TAF3: variants seen among roughly 807,000 people sequenced by gnomAD.
TAF3 encodes the protein transcription initiation factor TFIID subunit 3.
TAF3 carries 7 observed loss-of-function variants against 80.6 expected under a neutral mutation model. The observed-to-expected ratio is 0.09, with a 90% CI of 0.05 to 0.16. The LOEUF (loss-of-function observed/expected upper bound fraction) is 0.16, where lower values mean the gene tolerates loss of function less well. Among genes scored for constraint, TAF3 ranks in the 10% least tolerant of loss-of-function variants. The pLI, the probability that TAF3 is intolerant of heterozygous loss-of-function variation, is 1.00. For synonymous variants in TAF3, 444 were observed against 446.1 expected (o/e 1.00, Z 0.06); for missense variants, 921 against 1,140.2 (o/e 0.81, Z 2.77).
intron 2 of TAF3, among the ~76,000 whole-genome samples, chr10:7,852,940 G>A (rs1837043155): frequency 6.6e-6 from 1 of 152,154 alleles, no homozygotes; most frequent in Admixed American, 6.5e-5. Context: ...CCAACTAGTT[G>A]TGCATATGTT....
intron 2 of TAF3, among the ~76,000 whole-genome samples, chr10:7,901,225 A>T (rs1385772364): frequency 6.6e-6 from 1 of 152,208 alleles, no homozygotes; most frequent in Non-Finnish European, 1.5e-5. Context: ...GGATGAAGAA[A>T]ATACTTTAAA....
At chr10:7,912,110 A>G (rs1837662218) in intron 2 of TAF3, among the ~76,000 whole-genome samples, 1 of 152,238 alleles carries the variant, frequency 6.6e-6, no homozygotes, top group African/African-American at 2.4e-5. Flanking sequence ...TATTATCCTC[A>G]TTATTTCATC....
chr10:7,959,830 A>G (rs376594121), intron 2 of TAF3, among the ~76,000 whole-genome samples: 1 of 152,184 alleles, frequency 6.6e-6, no homozygotes, highest in African/African-American at 2.4e-5. Flanking sequence ...GAAAAATCCA[A>G]ATTTTCAAGT....
intron 2 of TAF3, among the ~76,000 whole-genome samples, chr10:7,946,882 G>C (rs933158623): frequency 1.2e-4 from 19 of 152,174 alleles, no homozygotes; most frequent in Admixed American, 4.6e-4. Context: ...GGACACAATG[G>C]AATACTTACC....
intron 2 of TAF3, among the ~76,000 whole-genome samples, chr10:7,845,959 G>GTTTTTT (rs34163537): frequency 1.6e-4 from 21 of 130,928 alleles, no homozygotes; most frequent in East Asian, 2.2e-4. Flanking sequence ...GTGTGTTTTT[G>GTTTTTT]TTTTTTTTTT....
chr10:8,002,326 C>T (rs1831952564), intron 4 of TAF3, among the ~76,000 whole-genome samples: 1 of 152,106 alleles, frequency 6.6e-6, no homozygotes, highest in South Asian at 2.1e-4. Flanking sequence ...TCCCGTCGCA[C>T]ATCGTAAAGC....
intron 2 of TAF3, among the ~76,000 whole-genome samples, chr10:7,939,031 C>T (rs550102606): frequency 1.2e-4 from 18 of 152,174 alleles, no homozygotes; most frequent in African/African-American, 4.1e-4. Flanking sequence ...CTAAAACATA[C>T]CAGCCTGCAG....
chr10:7,865,646 C>T (rs559585513), intron 2 of TAF3, among the ~76,000 whole-genome samples: 7 of 152,286 alleles, frequency 4.6e-5, no homozygotes, highest in South Asian at 2.1e-4. Flanking sequence ...GATGCAGCCA[C>T]GTGCAAAGTA....
chr10:7,992,647 T>A (rs767180432), intron 4 of TAF3, among the ~76,000 whole-genome samples: 1 of 152,142 alleles, frequency 6.6e-6, no homozygotes, highest in Non-Finnish European at 1.5e-5. Context: ...GAATGCACAT[T>A]TTCCCCTAAG....
chr10:7,959,158 AC>A lies in TAF3; in HGVS notation c.410-4761del, dbSNP rs1564371379. Among the ~76,000 whole-genome samples, 693 of 141,004 alleles carry A rather than the reference AC, an allele frequency of 4.9e-3. 28 individuals carry two copies. In the East Asian group the frequency reaches 0.11, roughly 23 times the overall value. 92.5% of individuals were successfully genotyped at this position (141,004 alleles called of 152,430 possible). A position where few individuals can be genotyped will look rare whatever the true frequency, so the allele number is the denominator to read the frequency against. On this transcript the variant is annotated intron_variant, in intron 2 of 6. Coordinates refer to ENST00000344293, the MANE Select transcript of TAF3 (RefSeq NM_031923.4). ...CTGTCTCACACACACACACACACAC[AC>A]ACACAAAAAAAGTTTCAGGCTTTTT...
rs141145302 is a variant in TAF3 at position 7,943,283 on chromosome 10, G to T, written c.410-20637G>T. On this transcript the variant is annotated intron_variant, in intron 2 of 6. Transcript: ENST00000344293. ...TCTGATTCTGGCTCCTACGCATCAC[G>T]TTCTGCTTGCTCCTTAGCATTGCAA... is the stretch of plus-strand genomic sequence containing the variant. 3.7e-3 allele frequency among the ~76,000 whole-genome samples: 567 copies of T among 152,236 alleles called. 4 individuals carry two copies. The highest frequency in any genetic ancestry group is 0.02 in the South Asian group (97 of 4,828).
intron 4 of TAF3, among the ~76,000 whole-genome samples, chr10:7,994,339 G>A (rs961922007): frequency 6.6e-6 from 1 of 151,926 alleles, no homozygotes; most frequent in African/African-American, 2.4e-5. Context: ...ATGATGAATG[G>A]TGTTTAGGAA....
At chr10:7,898,884 G>C (rs1311218239) in intron 2 of TAF3, among the ~76,000 whole-genome samples, 3 of 151,974 alleles carry the variant, frequency 2.0e-5, no homozygotes, top group Non-Finnish European at 4.4e-5. Flanking sequence ...TCAGACTTGC[G>C]AGTGAGGCAC....
At chr10:7,963,613 C>A (rs1260705622) in intron 2 of TAF3, among the ~76,000 whole-genome samples, 1 of 151,826 alleles carries the variant, frequency 6.6e-6, no homozygotes, top group Non-Finnish European at 1.5e-5. Flanking sequence ...ACAGTGAGAA[C>A]ACATGGACAC....
rs1490134113 is a variant in TAF3 at position 7,964,402 on chromosome 10, C to T, written c.892C>T (p.Pro298Ser). Residue 298 changes from proline (P) to serine (S), a missense_variant, in exon 3 of 7, where the codon CCT becomes TCT. Around this residue, in one of 6 missense-constraint regions of TAF3, gnomAD observed 743 missense variants for 821.0 expected, o/e 0.90. Coordinates refer to ENST00000344293, the MANE Select transcript of TAF3 (RefSeq NM_031923.4). This position sits in a 1 kb window ranked among gnomAD's most constrained non-coding sequence, Gnocchi z 4.1. ...TAQSPAMVGS[P>S]IRSPKTVSKE... ...CCAGTCACCAGCAATGGTCGGAAGT[C>T]CTATTCGATCACCAAAAACTGTATC... 6.2e-7 allele frequency: 1 copy of T among 1,613,876 alleles called. No homozygotes were observed. The highest frequency in any genetic ancestry group is 8.5e-7 in the Non-Finnish European group (1 of 1,180,032).
intron 2 of TAF3, among the ~76,000 whole-genome samples, chr10:7,855,919 A>G (rs1427008155): frequency 6.6e-6 from 1 of 150,938 alleles, no homozygotes; most frequent in Non-Finnish European, 1.5e-5. Context: ...CCCATTCTCC[A>G]CAAAAAGGAA....
intron 2 of TAF3, among the ~76,000 whole-genome samples, chr10:7,883,398 A>G (rs1837379466): frequency 6.6e-6 from 1 of 152,208 alleles, no homozygotes; most frequent in Non-Finnish European, 1.5e-5. Flanking sequence ...GTGTTCTTCT[A>G]ATGCCTCATG....
chr10:7,885,904 G>C (rs1015581702), intron 2 of TAF3, among the ~76,000 whole-genome samples: 3 of 151,860 alleles, frequency 2.0e-5, no homozygotes, highest in African/African-American at 7.3e-5. Context: ...ATCCCATTTG[G>C]GCCACATCTT....
intron 2 of TAF3, among the ~76,000 whole-genome samples, chr10:7,829,029 C>CAAAAAAAAAAAAA (rs59969868): frequency 1.5e-5 from 1 of 66,808 alleles, no homozygotes; most frequent in Non-Finnish European, 2.5e-5. Flanking sequence ...GACTCCGTCT[C>CAAAAAAAAAAAAA]AAAAAAAAAA....
Sources: allele counts gnomAD v4.1 joint callset (sites outside exome capture counted in the v4.1 genomes callset), GRCh38; gene constraint gnomAD v4.1.1; regional missense constraint gnomAD v4.1.1; non-coding constraint Gnocchi (gnomAD v3.1); transcripts MANE v1.5; gene names NCBI Gene and HGNC (gene_info 2026-07-23, HGNC 2026-07-21).